TRPM2: variants seen among roughly 807,000 people sequenced by gnomAD.
TRPM2 encodes the protein estrogen-responsive element-associated gene 1 protein.
Under a neutral mutation model 174.0 loss-of-function variants are expected in TRPM2, and 161 were observed. The ratio of observed to expected loss-of-function variants is 0.93; its 90% confidence interval spans 0.81 to 1.05. The LOEUF is 1.05. Ranked by LOEUF, TRPM2 falls within the 50% of genes least tolerant of loss-of-function variation. TRPM2 has a pLI of 0.00. For missense variants in TRPM2, 2,057 were observed against 2,038.0 expected (o/e 1.01, Z -0.18); for synonymous variants, 954 against 861.3 (o/e 1.11, Z -1.88).
chr21:44,376,089 A>G lies in TRPM2; in HGVS notation c.952+76A>G, dbSNP rs2048691244. 2 of 1,525,236 alleles carry G rather than the reference A, an allele frequency of 1.3e-6. No homozygotes were observed. The highest frequency in any genetic ancestry group is 1.9e-5 in the Admixed American group (1 of 51,414). 94.5% of individuals were successfully genotyped at this position (1,525,236 alleles called of 1,614,324 possible). On this transcript the variant is annotated intron_variant, in intron 6 of 31. Transcript: ENST00000397928. The surrounding 1 kb of genome is among the most constrained non-coding windows in gnomAD (Gnocchi z 4.2). ...GTCAGAGTGTCAGGTACAGCTGGTC[A>G]CGACCAGGACGTTCAACAGGCCTGG...
Position 44,377,612 on chromosome 21 carries a change from T to TG in TRPM2, c.953-99dup, listed in dbSNP as rs1014388625. On this transcript the variant is annotated intron_variant, in intron 6 of 31. Coordinates refer to ENST00000397928, the MANE Select transcript of TRPM2 (RefSeq NM_003307.4). ...AGTGCAGGGTCTTGCCCCCCACCTC[T>TG]GTCCCCTCACTCGGCTCCATGCTTT... 4.0e-6 allele frequency: 6 copies of TG among 1,509,322 alleles called. No homozygotes were observed. In the African/African-American group the frequency reaches 6.9e-5, roughly 17 times the overall value. 93.5% of individuals were successfully genotyped at this position (1,509,322 alleles called of 1,614,324 possible).
At chr21:44,389,873 ATTT>A (rs34732510) in intron 9 of TRPM2, among the ~76,000 whole-genome samples, 2 of 139,336 alleles carry the variant, frequency 1.4e-5, no homozygotes, top group Non-Finnish European at 1.5e-5. Flanking sequence ...GAGGCTTAAA[ATTT>A]TTTTTTTTTT....
In TRPM2 at chr21:44,369,432, G is replaced by A. The variant is rs1024317031; in HGVS notation, c.771+89G>A. On this transcript the variant is annotated intron_variant, in intron 5 of 31. Transcript: ENST00000397928. ...GCTGTGGGGAGCAGGTGGAGTGTAC[G>A]GGGGCCGGGGTGTGGGTGACGTCTG... 62 of 1,454,232 alleles carry A rather than the reference G, an allele frequency of 4.3e-5. No homozygotes were observed. In the Admixed American group the frequency reaches 5.0e-4, roughly 12 times the overall value. 90.1% of individuals were successfully genotyped at this position (1,454,232 alleles called of 1,614,324 possible). A position where few individuals can be genotyped will look rare whatever the true frequency, so the allele number is the denominator to read the frequency against.
chr21:44,355,196 CA>C (rs2048021658), intron 2 of TRPM2, among the ~76,000 whole-genome samples: 1 of 151,924 alleles, frequency 6.6e-6, no homozygotes, highest in Admixed American at 6.6e-5. Flanking sequence ...CCAGGCCCCA[CA>C]GAGCCCCCTT....
chr21:44,387,777 A>C (rs1382176750), intron 9 of TRPM2, among the ~76,000 whole-genome samples: 1 of 152,252 alleles, frequency 6.6e-6, no homozygotes, highest in Non-Finnish European at 1.5e-5. Flanking sequence ...CAAATGGCCA[A>C]TAAGCACGTG....
In TRPM2 at chr21:44,376,444, G is replaced by A. The variant is rs1569033714; in HGVS notation, c.952+431G>A. Among the ~76,000 whole-genome samples the A allele has an allele frequency of 1.3e-5, 2 of 152,126 alleles. No homozygotes were observed. The highest frequency in any genetic ancestry group is 4.8e-5 in the African/African-American group (2 of 41,414). On this transcript the variant is annotated intron_variant, in intron 6 of 31. Transcript: ENST00000397928. This position sits in a 1 kb window ranked among gnomAD's most constrained non-coding sequence, Gnocchi z 4.2. ...GGGACAGGGTCTGGAGCGCAGTGGT[G>A]TGATCTCAGCTCACTGTAGCCTCGA...
intron 27 of TRPM2, among the ~76,000 whole-genome samples, chr21:44,429,278 C>CTTTTTTTTTT: frequency 2.3e-5 from 1 of 44,192 alleles, no homozygotes; most frequent in Non-Finnish European, 4.1e-5. Context: ...TTTTCTTTTT[C>CTTTTTTTTTT]TTTTTTTTTT....
chr21:44,407,241 C>G (rs1470068641), intron 19 of TRPM2, among the ~76,000 whole-genome samples: 2 of 141,098 alleles, frequency 1.4e-5, no homozygotes, highest in Admixed American at 7.5e-5. Flanking sequence ...CCTCCTCCCA[C>G]CCGTCTGCTG....
chr21:44,395,665 T>C (rs1241307893), intron 12 of TRPM2, 114 bp downstream of exon 12: 2 of 455,026 alleles, frequency 4.4e-6, no homozygotes, highest in Admixed American at 9.7e-5. Flanking sequence ...ACGTGGAGGC[T>C]GTGGAGGGGT....
Position 44,395,427 on chromosome 21 carries a change from G to A in TRPM2, c.1808G>A (p.Ser603Asn), listed in dbSNP as rs752581166. The change falls in exon 12 of 32, where the codon AGC becomes AAC. Residue 603 changes from serine to asparagine, a missense_variant. Transcript: ENST00000397928. Reference protein sequence around the residue: ...PHVKLNVQGVSLRSLYKRSSG... With the variant: ...PHVKLNVQGVNLRSLYKRSSG... ...ACTGCTCACCAGGTGCAGGGAGTGA[G>A]CCTCCGGTCCCTCTACAAGCGTTCC... 5 of 1,612,608 alleles carry A rather than the reference G, an allele frequency of 3.1e-6. No homozygotes were observed. The highest frequency in any genetic ancestry group is 4.2e-6 in the Non-Finnish European group (5 of 1,179,934).
At chr21:44,360,412 A>T (rs1011184643) in intron 2 of TRPM2, among the ~76,000 whole-genome samples, 1 of 152,030 alleles carries the variant, frequency 6.6e-6, no homozygotes, top group African/African-American at 2.4e-5. Flanking sequence ...GTGTGCTTTT[A>T]ACTTTTTATT....
chr21:44,350,896 G>A (rs1175476647), upstream of TRPM2, among the ~76,000 whole-genome samples: 1 of 152,168 alleles, frequency 6.6e-6, no homozygotes, highest in Non-Finnish European at 1.5e-5. Context: ...CCCGTCCGCC[G>A]GGACAGCAGG....
chr21:44,436,572 CCA>C, intron 28 of TRPM2, among the ~76,000 whole-genome samples: 1 of 137,120 alleles, frequency 7.3e-6, no homozygotes, highest in Non-Finnish European at 1.6e-5. Flanking sequence ...CACGTCACCC[CCA>C]TGTCACCCCC....
At chr21:44,374,217 G>A (rs1312508532) in intron 5 of TRPM2, among the ~76,000 whole-genome samples, 1 of 152,054 alleles carries the variant, frequency 6.6e-6, no homozygotes, top group Non-Finnish European at 1.5e-5. Context: ...CACCATGTTG[G>A]CCAGGCTGGT....
chr21:44,405,052 A>T (rs191536554), intron 16 of TRPM2, 90 bp from the exon 17 acceptor site: 10 of 1,562,032 alleles, frequency 6.4e-6, no homozygotes, highest in Non-Finnish European at 7.9e-6. Context: ...AGTGACTGTG[A>T]TGATGATAGT....
At chr21:44,373,639 G>GCATT (rs2048610081) in intron 5 of TRPM2, among the ~76,000 whole-genome samples, 1 of 148,762 alleles carries the variant, frequency 6.7e-6, no homozygotes, top group African/African-American at 2.5e-5. Context: ...ATGCGACCCG[G>GCATT]ATAGGCTGAG....
chr21:44,423,499 G>A, intron 22 of TRPM2, 146 bp from the exon 23 acceptor site: 2 of 693,054 alleles, frequency 2.9e-6, no homozygotes, highest in Non-Finnish European at 5.0e-6. Context: ...AGAAATGCAT[G>A]TTAGAAATAG....
intron 20 of TRPM2, among the ~76,000 whole-genome samples, chr21:44,417,337 A>C (rs1488744424): frequency 8.4e-6 from 1 of 119,452 alleles, no homozygotes; most frequent in Non-Finnish European, 1.8e-5. Context: ...CTGGCATCAC[A>C]GTGGGCACGT....
chr21:44,404,378 CAT>C (rs1178568783), intron 16 of TRPM2, among the ~76,000 whole-genome samples: 5 of 81,898 alleles, frequency 6.1e-5, no homozygotes, highest in Admixed American at 2.6e-4. Flanking sequence ...TGCACACATA[CAT>C]ACACACACAT....
Sources: allele counts gnomAD v4.1 joint callset (sites outside exome capture counted in the v4.1 genomes callset), GRCh38; gene constraint gnomAD v4.1.1; non-coding constraint Gnocchi (gnomAD v3.1); transcripts MANE v1.5; gene names NCBI Gene and HGNC (gene_info 2026-07-23, HGNC 2026-07-21).